Variants in XKR4 observed in about 807,000 individuals in gnomAD.
XKR4 encodes XK-related protein 4.
A neutral mutation model predicts 53.9 loss-of-function variants in XKR4; 12 were observed. The ratio of observed to expected loss-of-function variants is 0.22; its 90% CI spans 0.14 to 0.36. XKR4 has a LOEUF of 0.36. Among genes scored for constraint, XKR4 ranks in the 10% least tolerant of loss-of-function variants. XKR4 has a pLI of 1.00. For missense variants in XKR4, 799 were observed against 859.5 expected (o/e 0.93, Z 0.88); for synonymous variants, 354 against 362.4 (o/e 0.98, Z 0.26).
chr8:55,360,031 G>A (rs562673199), intron 2 of XKR4, among the ~76,000 whole-genome samples: 5 of 152,298 alleles, frequency 3.3e-5, no homozygotes, highest in East Asian at 3.9e-4. Context: ...TCAGAATGGC[G>A]TAGGGAAACT....
intron 2 of XKR4, among the ~76,000 whole-genome samples, chr8:55,408,238 C>T (rs1326306789): frequency 2.0e-5 from 3 of 152,194 alleles, no homozygotes; most frequent in Non-Finnish European, 4.4e-5. Flanking sequence ...TCTCATTAAT[C>T]CTCCTAACGA....
At chr8:55,151,660 A>C (rs1364800496) in intron 1 of XKR4, among the ~76,000 whole-genome samples, 1 of 152,190 alleles carries the variant, frequency 6.6e-6, no homozygotes, top group Non-Finnish European at 1.5e-5. Context: ...AGGCATGAAA[A>C]AAGAAATGTT....
chr8:55,204,824 T>C (rs1170529738), intron 1 of XKR4, among the ~76,000 whole-genome samples: 2 of 152,166 alleles, frequency 1.3e-5, no homozygotes, highest in African/African-American at 2.4e-5. Context: ...CTGGTAATAA[T>C]AGAAATGACA....
chr8:55,156,463 T>C (rs1250087493), intron 1 of XKR4, among the ~76,000 whole-genome samples: 1 of 151,382 alleles, frequency 6.6e-6, no homozygotes, highest in Non-Finnish European at 1.5e-5. Flanking sequence ...GTGGGGTGTG[T>C]AAGTCAGATC....
chr8:55,305,642 C>T (rs908053987), intron 1 of XKR4, among the ~76,000 whole-genome samples: 3 of 152,094 alleles, frequency 2.0e-5, no homozygotes, highest in Non-Finnish European at 2.9e-5. Flanking sequence ...TTAAATTTGA[C>T]ATATTTTATA....
intron 1 of XKR4, among the ~76,000 whole-genome samples, chr8:55,302,585 G>C (rs1819219030): frequency 6.6e-6 from 1 of 152,098 alleles, no homozygotes; most frequent in Non-Finnish European, 1.5e-5. Flanking sequence ...ATTACCTTGG[G>C]CAGTATGGCC....
chr8:55,404,043 A>C (rs2129390281), intron 2 of XKR4, among the ~76,000 whole-genome samples: 3 of 152,300 alleles, frequency 2.0e-5, no homozygotes, highest in Admixed American at 2.0e-4. Flanking sequence ...AGCAGAGGGA[A>C]GGCCCAGGAG....
At position 55,524,367 on chromosome 8, in the gene XKR4, C is replaced by A. The variant is rs1442020965; in HGVS notation, c.*140C>A. 8.0e-6 allele frequency: 7 copies of A among 870,100 alleles called. No homozygotes were observed. The highest frequency in any genetic ancestry group is 1.2e-5 in the Non-Finnish European group (7 of 582,052). The allele number at this position is 870,100 out of a possible 1,614,324, so 53.9% of individuals were successfully genotyped here. ...ACCGTCATCACCATTATCATTTGAT[C>A]CTGTCGGCTGGGGGCGGCTGGTCTC... On this transcript the variant is annotated 3_prime_UTR_variant, in exon 3 of 3. Coordinates refer to ENST00000327381, the MANE Select transcript of XKR4 (RefSeq NM_052898.2).
intron 2 of XKR4, among the ~76,000 whole-genome samples, chr8:55,465,165 G>T (rs1805738756): frequency 1.3e-5 from 2 of 152,232 alleles, no homozygotes; most frequent in South Asian, 2.1e-4. Flanking sequence ...CCAAAAAGAA[G>T]CCTGCATTGC....
chr8:55,469,779 G>A (rs904850521), intron 2 of XKR4, among the ~76,000 whole-genome samples: 2 of 152,050 alleles, frequency 1.3e-5, no homozygotes, highest in African/African-American at 4.8e-5. Flanking sequence ...GAGCTAACTA[G>A]GAACAAATCT....
chr8:55,251,520 G>C (rs1046796257), intron 1 of XKR4, among the ~76,000 whole-genome samples: 2 of 152,192 alleles, frequency 1.3e-5, no homozygotes, highest in African/African-American at 2.4e-5. Context: ...ATGTGACTGG[G>C]ATAGAATGGG....
Position 55,302,604 on chromosome 8 carries a change from G to A in XKR4, c.807-55074G>A, listed in dbSNP as rs1025987258. Among the ~76,000 whole-genome samples the A allele has an allele frequency of 1.7e-3, 257 of 152,236 alleles. 3 individuals are homozygous for A. Among genetic ancestry groups the A allele is most frequent in the Non-Finnish European group, 4.7e-4 (32 of 68,006 alleles). ...CCTTGGGCAGTATGGCCATTTTCAT[G>A]ATATTGATTCTTCCTACCCATGAGC... is the stretch of plus-strand genomic sequence containing the variant. On this transcript the variant is annotated intron_variant, in intron 1 of 2. Coordinates refer to ENST00000327381, the MANE Select transcript of XKR4 (RefSeq NM_052898.2).
At chr8:55,353,082 TGGA>T (rs1019125799) in intron 1 of XKR4, among the ~76,000 whole-genome samples, 1 of 152,150 alleles carries the variant, frequency 6.6e-6, no homozygotes, top group Non-Finnish European at 1.5e-5. Flanking sequence ...AGGTGAGGGT[TGGA>T]GTTTGAGATG....
intron 1 of XKR4, among the ~76,000 whole-genome samples, chr8:55,269,010 C>G (rs553843789): frequency 6.6e-6 from 1 of 152,250 alleles, no homozygotes; most frequent in African/African-American, 2.4e-5. Context: ...ATGACTTAGG[C>G]CACTTATGGA....
At chr8:55,142,114 C>T (rs1015008039) in intron 1 of XKR4, 6 of 455,984 alleles carry the variant, frequency 1.3e-5, no homozygotes, top group African/African-American at 8.0e-5. Flanking sequence ...ACTATTCTCT[C>T]CTCCCTACCT....
chr8:55,137,430 AAT>A (rs1816646255), intron 1 of XKR4, among the ~76,000 whole-genome samples: 1 of 152,326 alleles, frequency 6.6e-6, no homozygotes, highest in Admixed American at 6.5e-5. Flanking sequence ...GAATCTAAAG[AAT>A]AGCAGGTTTC....
chr8:55,450,084 C>A, intron 2 of XKR4: 1 of 721,622 alleles, frequency 1.4e-6, no homozygotes. Context: ...ATGCAGCCTT[C>A]ACGCGGTCCC....
chr8:55,431,701 C>T (rs1029270160), intron 2 of XKR4, among the ~76,000 whole-genome samples: 2 of 152,314 alleles, frequency 1.3e-5, no homozygotes, highest in Non-Finnish European at 1.5e-5. Context: ...TGAAATCAGA[C>T]GTTTCAGTTC....
At chr8:55,222,599 G>T (rs1369849554) in intron 1 of XKR4, among the ~76,000 whole-genome samples, 1 of 152,080 alleles carries the variant, frequency 6.6e-6, no homozygotes, top group Non-Finnish European at 1.5e-5. Flanking sequence ...TTATTCATTT[G>T]TCTATGTCCT....
Sources: allele counts gnomAD v4.1 joint callset (sites outside exome capture counted in the v4.1 genomes callset), GRCh38; gene constraint gnomAD v4.1.1; transcripts MANE v1.5; gene names NCBI Gene and HGNC (gene_info 2026-07-23, HGNC 2026-07-21).